Variants in RAB10 observed in about 807,000 individuals in gnomAD.
RAB10 encodes the protein RAB10, member RAS oncogene family, also known as ras-related protein Rab-10.
A neutral mutation model predicts 25.7 loss-of-function variants in RAB10; 5 were observed. The ratio of observed to expected loss-of-function variants is 0.19; its 90% CI spans 0.10 to 0.41. RAB10 has a LOEUF of 0.41. Among genes scored for constraint, RAB10 ranks in the 10% least tolerant of loss-of-function variants. The pLI, the probability that RAB10 is intolerant of heterozygous loss-of-function variation, is 1.00. For synonymous variants in RAB10, 89 were observed against 86.4 expected (o/e 1.03, Z -0.16); for missense variants, 103 against 245.8 (o/e 0.42, Z 3.89).
chr2:26,059,280 C>CAT (rs1666347299), intron 1 of RAB10, among the ~76,000 whole-genome samples: 1 of 152,166 alleles, frequency 6.6e-6, no homozygotes, highest in Non-Finnish European at 1.5e-5. Context: ...CTAATGCATT[C>CAT]ATTCATTCGA....
chr2:26,067,283 T>C (rs943974594), intron 1 of RAB10, among the ~76,000 whole-genome samples: 1 of 152,150 alleles, frequency 6.6e-6, no homozygotes, highest in Non-Finnish European at 1.5e-5. Flanking sequence ...TATACTTGAG[T>C]GCATTGCTAT....
intron 1 of RAB10, among the ~76,000 whole-genome samples, chr2:26,061,082 T>G (rs959324528): frequency 7.3e-5 from 11 of 150,032 alleles, no homozygotes; most frequent in Admixed American, 3.4e-4. Flanking sequence ...TTTTTTCCAT[T>G]TATCTCTGTC....
chr2:26,101,631 G>A (rs1242630516), intron 2 of RAB10: 1 of 152,250 alleles, frequency 6.6e-6, no homozygotes, highest in Admixed American at 6.5e-5. Context: ...GAGCTGCAGT[G>A]GTTACCTGGC....
rs530856580 is a variant in RAB10 at position 26,137,239 on chromosome 2, A to T, written c.*2218A>T. The T allele has an allele frequency of 6.5e-6, 1 of 152,698 alleles. No individual in the cohort carries two copies. 9.5% of individuals were successfully genotyped at this position (152,698 alleles called of 1,614,324 possible). A position where few individuals can be genotyped will look rare whatever the true frequency, so the allele number is the denominator to read the frequency against. On this transcript the variant is annotated 3_prime_UTR_variant, in exon 6 of 6. Coordinates refer to ENST00000264710, the MANE Select transcript of RAB10 (RefSeq NM_016131.5). ...AATTTTTGTATAATCTGTTTGAAAC[A>T]TGAGTTTTATTTGCTTAATATTAGG...
intron 3 of RAB10, among the ~76,000 whole-genome samples, chr2:26,115,316 C>CA (rs11355375): frequency 0.013 from 1,924 of 148,760 alleles, 15 homozygotes; most frequent in African/African-American, 0.024. Flanking sequence ...TCACAATAGC[C>CA]AAAAAAAAAA....
intron 5 of RAB10, among the ~76,000 whole-genome samples, chr2:26,131,394 T>G (rs1668010851): frequency 6.6e-6 from 1 of 152,176 alleles, no homozygotes; most frequent in African/African-American, 2.4e-5. Flanking sequence ...TTTCCCCAAG[T>G]AAGCAGGCCC....
intron 3 of RAB10, among the ~76,000 whole-genome samples, chr2:26,117,194 A>T (rs985754539): frequency 6.6e-6 from 1 of 152,142 alleles, no homozygotes; most frequent in Non-Finnish European, 1.5e-5. Context: ...GGGAGTTATT[A>T]TATGAAGGTT....
At chr2:26,130,584 C>T (rs552342282) in intron 5 of RAB10, among the ~76,000 whole-genome samples, 4 of 152,034 alleles carry the variant, frequency 2.6e-5, no homozygotes, top group East Asian at 1.9e-4. Flanking sequence ...GCTAGGACCA[C>T]GAGGACACAT....
At chr2:26,037,776 A>G (rs1278095138) in intron 1 of RAB10, among the ~76,000 whole-genome samples, 2 of 152,182 alleles carry the variant, frequency 1.3e-5, no homozygotes, top group African/African-American at 4.8e-5. Flanking sequence ...TATTAGCTAT[A>G]TATAGAATAT....
At chr2:26,095,754 A>T (rs559415083) in intron 1 of RAB10, among the ~76,000 whole-genome samples, 1 of 152,088 alleles carries the variant, frequency 6.6e-6, no homozygotes, top group Admixed American at 6.6e-5. Context: ...TCTACAAATA[A>T]TACAAGAATT....
intron 2 of RAB10, among the ~76,000 whole-genome samples, chr2:26,106,169 G>T (rs999313610): frequency 6.6e-6 from 1 of 152,226 alleles, no homozygotes; most frequent in Non-Finnish European, 1.5e-5. Context: ...AGGACTGAAA[G>T]TGGGAAAACA....
intron 1 of RAB10, among the ~76,000 whole-genome samples, chr2:26,072,936 A>G (rs1399988593): frequency 6.6e-6 from 1 of 152,212 alleles, no homozygotes; most frequent in Non-Finnish European, 1.5e-5. Flanking sequence ...TAGAACCTAC[A>G]CAAAAGTTTG....
intron 1 of RAB10, among the ~76,000 whole-genome samples, chr2:26,061,799 C>T (rs1666401239): frequency 1.4e-5 from 2 of 139,316 alleles, no homozygotes; most frequent in African/African-American, 5.2e-5. Flanking sequence ...CGCTGTCACT[C>T]ACGCTGGAGT....
intron 1 of RAB10, among the ~76,000 whole-genome samples, chr2:26,080,771 A>G (rs984306984): frequency 1.3e-5 from 2 of 152,270 alleles, no homozygotes; most frequent in Middle Eastern, 3.4e-3. Flanking sequence ...AAGCAATGGC[A>G]TTACAGGCGC....
intron 2 of RAB10, among the ~76,000 whole-genome samples, chr2:26,108,451 GA>G (rs951738876): frequency 2.6e-4 from 39 of 152,002 alleles, no homozygotes; most frequent in African/African-American, 8.5e-4. Flanking sequence ...TTCTGGAAAT[GA>G]AAAAAATATA....
At chr2:26,103,512 G>C (rs938854713) in intron 2 of RAB10, among the ~76,000 whole-genome samples, 8 of 152,102 alleles carry the variant, frequency 5.3e-5, no homozygotes, top group Non-Finnish European at 8.8e-5. Context: ...GTTATAATGA[G>C]TTTTTATTGG....
At chr2:26,080,460 G>A (rs766653091) in intron 1 of RAB10, among the ~76,000 whole-genome samples, 19 of 151,776 alleles carry the variant, frequency 1.3e-4, no homozygotes, top group African/African-American at 3.6e-4. Flanking sequence ...TTTTTTTGTC[G>A]TGATACATTC....
At chr2:26,084,220 A>G (rs566801061) in intron 1 of RAB10, among the ~76,000 whole-genome samples, 1 of 152,174 alleles carries the variant, frequency 6.6e-6, no homozygotes, top group Non-Finnish European at 1.5e-5. Context: ...ACCACCTCAT[A>G]TAAGATAGCT....
intron 1 of RAB10, among the ~76,000 whole-genome samples, chr2:26,039,015 CTTTTTTTT>C (rs70950162): frequency 2.8e-5 from 3 of 108,950 alleles, no homozygotes; most frequent in East Asian, 2.7e-4. Context: ...TTAATAGCCA[CTTTTTTTT>C]TTTTTTTTTT....
Sources: gnomAD v4.1 joint callset for allele counts (sites outside exome capture counted in the v4.1 genomes callset) on GRCh38, gnomAD v4.1.1 for gene constraint, MANE v1.5 for transcripts, NCBI Gene and HGNC (gene_info 2026-07-23, HGNC 2026-07-21) for gene names.